IGF1: variants seen among roughly 807,000 people sequenced by gnomAD.
The protein encoded by IGF1 is insulin-like growth factor 1.
A neutral mutation model predicts 13.8 loss-of-function variants in IGF1; 4 were observed. The ratio of observed to expected loss-of-function variants is 0.29; its 90% CI spans 0.14 to 0.66. The LOEUF (loss-of-function observed/expected upper bound fraction) is 0.66, where lower values mean the gene tolerates loss of function less well. Ranked by LOEUF, IGF1 falls within the 30% of genes least tolerant of loss-of-function variation. The pLI is 0.78. For missense variants in IGF1, 124 were observed against 188.5 expected (o/e 0.66, Z 2.00); for synonymous variants, 76 against 72.6 (o/e 1.05, Z -0.23).
chr12:102,416,833 C>T (rs938964666), intron 3 of IGF1, among the ~76,000 whole-genome samples: 12 of 152,248 alleles, frequency 7.9e-5, no homozygotes, highest in South Asian at 4.1e-4. Flanking sequence ...ACTCCCAGTA[C>T]GTCAAAATAT....
chr12:102,446,798 C>G (rs943333008), intron 2 of IGF1, among the ~76,000 whole-genome samples: 2 of 152,072 alleles, frequency 1.3e-5, no homozygotes, highest in Non-Finnish European at 2.9e-5. Context: ...TTCTCTAGTT[C>G]TTTTAATTGT....
chr12:102,451,385 G>A (rs1159622163), intron 2 of IGF1, among the ~76,000 whole-genome samples: 2 of 152,226 alleles, frequency 1.3e-5, no homozygotes, highest in Admixed American at 1.3e-4. Context: ...CGCAGAGTAA[G>A]TAATGAACTT....
chr12:102,441,957 T>TC (rs71438463), intron 2 of IGF1, among the ~76,000 whole-genome samples: 13,359 of 132,112 alleles, frequency 0.1, 1,040 homozygotes, highest in Non-Finnish European at 0.15. Flanking sequence ...TTCTTCTTCT[T>TC]TTTTTTTTTT....
chr12:102,427,012 ATGACTG>A (rs1876264892), intron 2 of IGF1, among the ~76,000 whole-genome samples: 1 of 152,148 alleles, frequency 6.6e-6, no homozygotes, highest in African/African-American at 2.4e-5. Context: ...CCTCCCTGGA[ATGACTG>A]AAAACCAGGG....
intron 2 of IGF1, among the ~76,000 whole-genome samples, chr12:102,438,169 A>C (rs554468403): frequency 6.6e-6 from 1 of 152,338 alleles, no homozygotes; most frequent in Non-Finnish European, 1.5e-5. Flanking sequence ...CATAGTTCAC[A>C]CGTGACCAGG....
Position 102,396,646 on chromosome 12 carries a change from T to TA in IGF1, c.*5860dup, listed in dbSNP as rs1049020777. 18 of 377,224 alleles carry TA rather than the reference T, an allele frequency of 4.8e-5. No homozygotes were observed. Among genetic ancestry groups the TA allele is most frequent in the Non-Finnish European group, 7.0e-5 (15 of 213,404 alleles). The allele number at this position is 377,224 out of a possible 1,614,324, so 23.4% of individuals were successfully genotyped here. ...TGTTTACTTTTAGGCCTCAGTAATATAAAAAAAGGCAGATTCTAAGGATTG... is the reference window on the plus strand; with the variant it reads ...TGTTTACTTTTAGGCCTCAGTAATATAAAAAAAAGGCAGATTCTAAGGATTG... On this transcript the variant is annotated 3_prime_UTR_variant, in exon 4 of 4. Transcript: ENST00000337514.
At chr12:102,450,925 C>T (rs1400844906) in intron 2 of IGF1, among the ~76,000 whole-genome samples, 1 of 152,142 alleles carries the variant, frequency 6.6e-6, no homozygotes, top group Non-Finnish European at 1.5e-5. Flanking sequence ...CTTGAAGAAG[C>T]TTTAAAAGAT....
intron 2 of IGF1, among the ~76,000 whole-genome samples, chr12:102,464,782 A>G (rs1880182672): frequency 6.6e-6 from 1 of 152,194 alleles, no homozygotes; most frequent in Non-Finnish European, 1.5e-5. Flanking sequence ...TGATAAGAAA[A>G]CAGTTTGGAT....
At chr12:102,454,444 C>T (rs539951319) in intron 2 of IGF1, among the ~76,000 whole-genome samples, 1 of 152,284 alleles carries the variant, frequency 6.6e-6, no homozygotes, top group African/African-American at 2.4e-5. Flanking sequence ...TTCTGCTATT[C>T]CTAGATTTCC....
chr12:102,469,357 G>A (rs1003433995), intron 2 of IGF1, among the ~76,000 whole-genome samples: 5 of 152,162 alleles, frequency 3.3e-5, no homozygotes, highest in African/African-American at 1.2e-4. Context: ...GAGGTTTGCA[G>A]GAAGAGGAAG....
At chr12:102,459,669 A>C (rs1437328930) in intron 2 of IGF1, among the ~76,000 whole-genome samples, 1 of 152,038 alleles carries the variant, frequency 6.6e-6, no homozygotes, top group African/African-American at 2.4e-5. Flanking sequence ...TAAAAACTCC[A>C]CTTGCTCTTG....
At position 102,399,620 on chromosome 12, in the gene IGF1, TTA is replaced by T. The variant is rs1873514726; in HGVS notation, c.*2885_*2886del. 1 of 152,172 alleles carries T rather than the reference TTA, an allele frequency of 6.6e-6. No homozygotes were observed. Among genetic ancestry groups the T allele is most frequent in the African/African-American group, 2.4e-5 (1 of 41,454 alleles). The allele number at this position is 152,172 out of a possible 1,614,324, so 9.4% of individuals were successfully genotyped here. The stretch of plus-strand genomic sequence containing the variant: ...GTATAATGAGTTATTTTCAATTTAT[TTA>T]TAATCCAGTTGGAGAGGATTATGTG... On this transcript the variant is annotated 3_prime_UTR_variant, in exon 4 of 4. Transcript: ENST00000337514.
chr12:102,454,038 T>G (rs5742642), intron 2 of IGF1, among the ~76,000 whole-genome samples: 6 of 152,206 alleles, frequency 3.9e-5, no homozygotes, highest in Admixed American at 3.3e-4. Context: ...CAACCTATCT[T>G]TCTGGGCTTA....
chr12:102,402,242 A>G lies in IGF1; in HGVS notation c.*265T>C. ...CAGGGACTAAGATATATATATATATATATTTTTTTTTTCTTTTCTATAGAA... is the reference window on the plus strand; with the variant it reads ...CAGGGACTAAGATATATATATATATGTATTTTTTTTTTCTTTTCTATAGAA... On this transcript the variant is annotated 3_prime_UTR_variant, in exon 4 of 4. Coordinates refer to ENST00000337514, the MANE Select transcript of IGF1 (RefSeq NM_000618.5). The G allele has an allele frequency of 3.9e-6, 1 of 254,594 alleles. No homozygotes were observed. The highest frequency in any genetic ancestry group is 7.4e-6 in the Non-Finnish European group (1 of 134,524). 15.8% of individuals were successfully genotyped at this position (254,594 alleles called of 1,614,324 possible).
At chr12:102,448,689 T>TAACAAAAAAAAAAAAAAAAAAAAAAAA (rs1466638690) in intron 2 of IGF1, among the ~76,000 whole-genome samples, 1 of 110,326 alleles carries the variant, frequency 9.1e-6, no homozygotes, top group African/African-American at 3.3e-5. Context: ...TAGAGTATAA[T>TAACAAAAAAAAAAAAAAAAAAAAAAAA]AAAAAAAAAA....
chr12:102,454,666 G>A (rs1330048356), intron 2 of IGF1, among the ~76,000 whole-genome samples: 1 of 152,194 alleles, frequency 6.6e-6, no homozygotes, highest in African/African-American at 2.4e-5. Context: ...TTTGAAAATT[G>A]TTCATAGATT....
intron 2 of IGF1, among the ~76,000 whole-genome samples, chr12:102,466,942 C>T (rs1176412096): frequency 6.6e-6 from 1 of 152,068 alleles, no homozygotes; most frequent in Non-Finnish European, 1.5e-5. Flanking sequence ...ACCCACATCA[C>T]TTGGTCTCAT....
intron 2 of IGF1, among the ~76,000 whole-genome samples, chr12:102,420,463 C>G (rs1018270429): frequency 6.6e-6 from 1 of 152,214 alleles, no homozygotes; most frequent in African/African-American, 2.4e-5. Context: ...AGCACAGCAC[C>G]TGACATATAG....
At chr12:102,451,776 G>A (rs1015667009) in intron 2 of IGF1, among the ~76,000 whole-genome samples, 1 of 152,116 alleles carries the variant, frequency 6.6e-6, no homozygotes, top group African/African-American at 2.4e-5. Context: ...GGGTTTGGCT[G>A]TGTCCCCACC....
Sources: gnomAD v4.1 joint callset for allele counts (sites outside exome capture counted in the v4.1 genomes callset) on GRCh38, gnomAD v4.1.1 for gene constraint, MANE v1.5 for transcripts, NCBI Gene and HGNC (gene_info 2026-07-23, HGNC 2026-07-21) for gene names.